KYAT3: variants seen among roughly 807,000 people sequenced by gnomAD.
The protein encoded by KYAT3 is kynurenine aminotransferase 3.
Under a neutral mutation model 59.0 loss-of-function variants are expected in KYAT3, and 50 were observed. The observed-to-expected ratio is 0.85, with a 90% CI of 0.68 to 1.07. The LOEUF is 1.07. Ranked by LOEUF, KYAT3 falls within the 50% of genes least tolerant of loss-of-function variation. KYAT3 has a pLI of 0.00. For synonymous variants in KYAT3, 148 were observed against 177.0 expected, an observed-to-expected ratio of 0.84 and a Z score of 1.30; for missense variants, 497 against 533.3, an observed-to-expected ratio of 0.93 and a Z score of 0.67.
At position 88,953,041 on chromosome 1, in the gene KYAT3, C is replaced by T. The variant is rs767747269; in HGVS notation, c.954+22G>A. The T allele has an allele frequency of 9.1e-6, 13 of 1,425,940 alleles. No individual in the cohort carries two copies. The East Asian group carries it at 2.0e-4, about 22-fold the overall frequency. 88.3% of individuals were successfully genotyped at this position (1,425,940 alleles called of 1,614,324 possible). On this transcript the variant is annotated intron_variant, in intron 10 of 13. Coordinates refer to ENST00000260508, the MANE Select transcript of KYAT3 (RefSeq NM_001008661.3). ...CTTCACCAAAAGACAATGCTTCTAC[C>T]CTGAGTTACTATAACACTTACCTGT...
intron 2 of KYAT3, among the ~76,000 whole-genome samples, chr1:88,970,453 G>T (rs1309206693): frequency 6.6e-6 from 1 of 152,028 alleles, no homozygotes; most frequent in Non-Finnish European, 1.5e-5. Flanking sequence ...ACCCAAACAG[G>T]TTCAACTCAG....
At chr1:88,928,415 C>T in the KYAT3 span, among the ~76,000 whole-genome samples, 1 of 152,118 alleles carries the variant, frequency 6.6e-6, no homozygotes, top group Non-Finnish European at 1.5e-5. Context: ...AGTCATGGCC[C>T]TCAGGCAAGC....
At chr1:88,950,272 A>C (rs887316940) in intron 10 of KYAT3, among the ~76,000 whole-genome samples, 1 of 152,214 alleles carries the variant, frequency 6.6e-6, no homozygotes, top group African/African-American at 2.4e-5. Context: ...GGAGACAGAG[A>C]GGGGCAAGAT....
At chr1:88,991,982 G>GT (rs1368135539) in intron 1 of KYAT3, among the ~76,000 whole-genome samples, 6 of 21,048 alleles carry the variant, frequency 2.9e-4, no homozygotes, top group African/African-American at 1.4e-3. Flanking sequence ...GTATTCTTTT[G>GT]GTTTTTTTTT....
In KYAT3 at chr1:88,949,175, TC is replaced by T; in HGVS notation, c.1056del (p.Met353TrpfsTer10). The T allele has an allele frequency of 6.2e-7, 1 of 1,611,126 alleles. No individual in the cohort carries two copies. Among genetic ancestry groups the T allele is most frequent in the Non-Finnish European group, 8.5e-7 (1 of 1,178,872 alleles). ...LPKELEVKRD[R>X]MVRLLESVGL... ...CCAACACTTTCAAGTAAACGTACCA[TC>T]CGATCTCTTTTTACTTCTAACTCTT... On this transcript the variant is annotated frameshift_variant, in exon 11 of 14. Transcript: ENST00000260508. LOFTEE classifies it high-confidence loss of function.
At chr1:88,984,609 C>CAGAT (rs1400379938) in intron 2 of KYAT3, among the ~76,000 whole-genome samples, 1 of 152,140 alleles carries the variant, frequency 6.6e-6, no homozygotes, top group Non-Finnish European at 1.5e-5. Flanking sequence ...GTTGACTGAA[C>CAGAT]AGATCTGCTG....
At position 88,948,073 on chromosome 1, in the gene KYAT3, C is replaced by G. The variant is rs866859876; in HGVS notation, c.1141+1018G>C. On this transcript the variant is annotated intron_variant, in intron 11 of 13. Coordinates refer to ENST00000260508, the MANE Select transcript of KYAT3 (RefSeq NM_001008661.3). ...CGCCACTGCACTCCAGCCTGGGTGA[C>G]AGGGCCAGACCCTGCCTCAAACAAA... 5.3e-5 allele frequency among the ~76,000 whole-genome samples: 8 copies of G among 150,962 alleles called. No individual in the cohort carries two copies. In the South Asian group the frequency reaches 1.7e-3, roughly 31 times the overall value.
intron 2 of KYAT3, chr1:88,983,881 CTCGCCG>C: frequency 6.2e-7 from 1 of 1,609,720 alleles, no homozygotes; most frequent in Middle Eastern, 1.7e-4. Context: ...CTCCAACAAG[CTCGCCG>C]ACAGGGGCTT....
At chr1:88,945,641 T>C (rs1215756355) in intron 11 of KYAT3, among the ~76,000 whole-genome samples, 2 of 152,190 alleles carry the variant, frequency 1.3e-5, no homozygotes, top group Non-Finnish European at 2.9e-5. Flanking sequence ...AAATATTAAC[T>C]AGTCAGCCCT....
intron 2 of KYAT3, among the ~76,000 whole-genome samples, chr1:88,975,231 A>G (rs1280823313): frequency 6.6e-6 from 1 of 152,238 alleles, no homozygotes; most frequent in Admixed American, 6.5e-5. Flanking sequence ...CTGTGGCTTC[A>G]TTCTTGAAGC....
chr1:88,925,290 C>T, the KYAT3 span, among the ~76,000 whole-genome samples: 4 of 152,322 alleles, frequency 2.6e-5, no homozygotes, highest in Non-Finnish European at 5.9e-5. Flanking sequence ...GTCGCCCATG[C>T]GTGTGCCCCT....
intron 2 of KYAT3, chr1:88,981,647 G>T (rs1244607581): frequency 5.9e-6 from 1 of 168,788 alleles, no homozygotes. Flanking sequence ...ACAATCAGCC[G>T]CCTTCTGCTT....
At chr1:88,937,752 G>A (rs928683001) in intron 13 of KYAT3, among the ~76,000 whole-genome samples, 15 of 152,144 alleles carry the variant, frequency 9.9e-5, no homozygotes, top group African/African-American at 3.6e-4. Flanking sequence ...AAAGGATAGA[G>A]TATCATCACT....
At chr1:88,962,990 T>C (rs1031560814) in intron 5 of KYAT3, among the ~76,000 whole-genome samples, 2 of 146,172 alleles carry the variant, frequency 1.4e-5, no homozygotes, top group African/African-American at 5.2e-5. Context: ...CTCTCTCTCT[T>C]TTTTTTTTTT....
At chr1:88,986,194 G>A (rs79467497) in intron 2 of KYAT3, among the ~76,000 whole-genome samples, 1 of 120,136 alleles carries the variant, frequency 8.3e-6, no homozygotes, top group Non-Finnish European at 1.9e-5. Context: ...AAAAAAAAAA[G>A]AGAGAGAGAG....
chr1:88,986,200 G>C (rs1466552126), intron 2 of KYAT3, among the ~76,000 whole-genome samples: 3 of 151,276 alleles, frequency 2.0e-5, no homozygotes, highest in Non-Finnish European at 3.0e-5. Context: ...AAAAGAGAGA[G>C]AGAGAGAGAC....
At position 88,964,971 on chromosome 1, in the gene KYAT3, G is replaced by A. The variant is rs761258282; in HGVS notation, c.311C>T (p.Pro104Leu). 18 of 1,600,574 alleles carry A rather than the reference G, an allele frequency of 1.1e-5. No individual in the cohort carries two copies. The South Asian group carries it at 1.9e-4, about 17-fold the overall frequency. The stretch of plus-strand genomic sequence containing the variant: ...ATAGGACAGAGCTTTCACAAGTGAT[G>A]GATGGCCCTGTTGGATTAAAAATAA... ...LNQYTRGFGH[P>L]SLVKALSYLY... The change falls in exon 5 of 14, where the codon CCA (proline) becomes CTA (leucine). Residue 104 changes from proline to leucine, a missense_variant. Pro to Leu is a moderately conservative substitution (Grantham distance 98, BLOSUM62 -3). Coordinates refer to ENST00000260508, the MANE Select transcript of KYAT3 (RefSeq NM_001008661.3).
At chr1:88,967,182 C>T (rs371235580) in intron 4 of KYAT3, among the ~76,000 whole-genome samples, 25 of 151,896 alleles carry the variant, frequency 1.6e-4, no homozygotes, top group Non-Finnish European at 2.1e-4. Context: ...TTATTTCTTT[C>T]GCTGGCATTT....
In KYAT3 at chr1:88,955,210, A is replaced by C. The variant is rs145664845; in HGVS notation, c.803T>G (p.Met268Arg). 1.2e-6 allele frequency: 2 copies of C among 1,610,566 alleles called. No homozygotes were observed. Among genetic ancestry groups the C allele is most frequent in the African/African-American group, 2.7e-5 (2 of 74,884 alleles). The change falls in exon 9 of 14, where the codon ATG (methionine) becomes AGG (arginine). Residue 268 changes from methionine (M) to arginine (R), a missense_variant. By Grantham distance (91) the Met-to-Arg change is moderately conservative. Transcript: ENST00000260508. The part of the protein sequence containing the change: ...KHLKIATFPG[M>R]WERTITIGSA... ...TCCTATTGTTATTGTTCTCTCCCAC[A>C]TACCTGGAAAAGTAGCTAAACAGAG...
Sources: gnomAD v4.1 joint callset for allele counts (sites outside exome capture counted in the v4.1 genomes callset) on GRCh38, gnomAD v4.1.1 for gene constraint, MANE v1.5 for transcripts, NCBI Gene and HGNC (gene_info 2026-07-23, HGNC 2026-07-21) for gene names.